The following HIVEP3 variants were observed in gnomAD, a reference collection of about 807,000 sequenced individuals.
The protein encoded by HIVEP3 is transcription factor HIVEP3.
HIVEP3 carries 49 observed loss-of-function variants against 152.8 expected under a neutral mutation model. The ratio of observed to expected loss-of-function variants is 0.32; its 90% CI spans 0.26 to 0.41. The LOEUF is 0.41. HIVEP3 is among the 10% of genes least tolerant of loss of function. The pLI, the probability that HIVEP3 is intolerant of heterozygous loss-of-function variation, is 1.00. For synonymous variants in HIVEP3, 1,269 were observed against 1,289.0 expected (o/e 0.98, Z 0.33); for missense variants, 2,790 against 3,103.3 (o/e 0.90, Z 2.40).
At chr1:41,718,416 G>A (rs1310490490) in intron 1 of HIVEP3, among the ~76,000 whole-genome samples, 1 of 152,242 alleles carries the variant, frequency 6.6e-6, no homozygotes, top group Non-Finnish European at 1.5e-5. Context: ...TGGTTGTCGT[G>A]AGAATTAAGA....
intron 5 of HIVEP3, among the ~76,000 whole-genome samples, chr1:41,573,215 AGTGATTCTG>A (rs1164858422): frequency 6.6e-6 from 1 of 152,236 alleles, no homozygotes. Context: ...GAGTGTGCCC[AGTGATTCTG>A]GGTGTGGGCA....
chr1:41,950,789 C>T (rs1281713313), intron 1 of HIVEP3, among the ~76,000 whole-genome samples: 1 of 152,152 alleles, frequency 6.6e-6, no homozygotes, highest in Non-Finnish European at 1.5e-5. Context: ...TCATACTGCC[C>T]TAAAAACTTA....
chr1:41,698,734 G>A (rs1412498490), intron 2 of HIVEP3, among the ~76,000 whole-genome samples: 1 of 152,100 alleles, frequency 6.6e-6, no homozygotes, highest in African/African-American at 2.4e-5. Context: ...TCCTTCGGGT[G>A]CCAGTGCTCC....
At chr1:41,647,877 C>T (rs1645485289) in intron 2 of HIVEP3, among the ~76,000 whole-genome samples, 1 of 152,256 alleles carries the variant, frequency 6.6e-6, no homozygotes. Flanking sequence ...CTGGCCCCCT[C>T]CTTGGGCCTC....
chr1:41,895,449 T>C (rs1423584470), intron 1 of HIVEP3, among the ~76,000 whole-genome samples: 1 of 152,142 alleles, frequency 6.6e-6, no homozygotes, highest in Non-Finnish European at 1.5e-5. Context: ...TGACCTAACA[T>C]TACCAGAGGC....
intron 1 of HIVEP3, among the ~76,000 whole-genome samples, chr1:42,015,185 T>A (rs1645515026): frequency 6.6e-6 from 1 of 152,254 alleles, no homozygotes; most frequent in Non-Finnish European, 1.5e-5. Flanking sequence ...CTATTTGTTA[T>A]GAGGACAATT....
At chr1:41,784,640 G>A (rs1649242315) in intron 1 of HIVEP3, among the ~76,000 whole-genome samples, 1 of 152,196 alleles carries the variant, frequency 6.6e-6, no homozygotes, top group South Asian at 2.1e-4. Context: ...AGGGGCTGGG[G>A]CAGGCAAGCT....
intron 1 of HIVEP3, among the ~76,000 whole-genome samples, chr1:41,908,508 G>C (rs2124462278): frequency 6.6e-6 from 1 of 152,282 alleles, no homozygotes; most frequent in South Asian, 2.1e-4. Flanking sequence ...TCATTAAATA[G>C]ACCAGTCACT....
At chr1:41,939,074 C>T (rs1368656168) in intron 1 of HIVEP3, among the ~76,000 whole-genome samples, 1 of 152,118 alleles carries the variant, frequency 6.6e-6, no homozygotes, top group East Asian at 1.9e-4. Flanking sequence ...TACTAAAACC[C>T]TTTAGGATTG....
At chr1:41,696,112 C>G (rs1646269986) in intron 2 of HIVEP3, among the ~76,000 whole-genome samples, 1 of 152,216 alleles carries the variant, frequency 6.6e-6, no homozygotes, top group Non-Finnish European at 1.5e-5. Context: ...TATATTTGTA[C>G]CTACTTGACA....
chr1:41,510,881 G>A lies in HIVEP3; in HGVS notation c.6791C>T (p.Thr2264Ile), dbSNP rs761174252. ...CCCGCCCTCCAGCTCTGAGGAGAGT[G>A]TGAATTTGGAGACCTTAGCCACAGG... ...VSPVAKVSKF[T>I]LSSELEGGDY... is the part of the protein sequence containing the mutation. Residue 2264 changes from threonine to isoleucine, a missense_variant, in exon 9 of 9, where the codon ACA becomes ATA. Physicochemically the swap from Thr to Ile is moderately conservative, Grantham distance 89. Around this residue, in one of 9 missense-constraint regions of HIVEP3, gnomAD observed 816 missense variants for 806.5 expected, o/e 1.01. Transcript: ENST00000372583. 1.2e-6 allele frequency: 2 copies of A among 1,613,494 alleles called. No individual in the cohort carries two copies. Among genetic ancestry groups the A allele is most frequent in the East Asian group, 2.2e-5 (1 of 44,882 alleles).
At chr1:41,603,124 C>T (rs768178086) in intron 3 of HIVEP3, among the ~76,000 whole-genome samples, 7 of 151,094 alleles carry the variant, frequency 4.6e-5, no homozygotes, top group Admixed American at 1.3e-4. Flanking sequence ...TGCAGTGTAG[C>T]GGCGCGATCT....
chr1:41,528,276 TCA>T (rs1643079346), intron 5 of HIVEP3, among the ~76,000 whole-genome samples: 1 of 36,914 alleles, frequency 2.7e-5, no homozygotes, highest in Non-Finnish European at 5.2e-5. Flanking sequence ...TCACACACCC[TCA>T]CATACACCCC....
At chr1:41,775,495 T>C (rs1570511215) in intron 1 of HIVEP3, among the ~76,000 whole-genome samples, 1 of 152,028 alleles carries the variant, frequency 6.6e-6, no homozygotes, top group Non-Finnish European at 1.5e-5. Flanking sequence ...GTGTTTTTGT[T>C]TTTTTGTTTT....
intron 1 of HIVEP3, among the ~76,000 whole-genome samples, chr1:41,860,822 C>T (rs961082368): frequency 1.3e-5 from 2 of 152,190 alleles, no homozygotes; most frequent in Non-Finnish European, 2.9e-5. Context: ...AGAAGTCACA[C>T]GTGGAATTAG....
intron 6 of HIVEP3, among the ~76,000 whole-genome samples, chr1:41,519,173 G>A (rs1048042459): frequency 6.6e-6 from 1 of 152,190 alleles, no homozygotes; most frequent in African/African-American, 2.4e-5. Context: ...AGTTTCCCCA[G>A]GCCAATCTAC....
intron 1 of HIVEP3, among the ~76,000 whole-genome samples, chr1:41,753,608 C>A (rs1192172881): frequency 6.6e-6 from 1 of 151,750 alleles, no homozygotes; most frequent in Non-Finnish European, 1.5e-5. Context: ...GCGGAGGTTG[C>A]AGTGAGCCGA....
chr1:41,639,908 C>T (rs561315224), intron 2 of HIVEP3, among the ~76,000 whole-genome samples: 1 of 152,202 alleles, frequency 6.6e-6, no homozygotes, highest in Admixed American at 6.5e-5. Context: ...TCATTGATAG[C>T]GACAAGACCT....
At chr1:41,850,951 C>G (rs887526987) in intron 1 of HIVEP3, among the ~76,000 whole-genome samples, 6 of 152,198 alleles carry the variant, frequency 3.9e-5, no homozygotes, top group Non-Finnish European at 7.3e-5. Context: ...TTTCTCATGT[C>G]AGGCTCCTTC....
Sources: gnomAD v4.1 joint callset for allele counts (sites outside exome capture counted in the v4.1 genomes callset) on GRCh38, gnomAD v4.1.1 for gene constraint, gnomAD v4.1.1 regional missense constraint, MANE v1.5 for transcripts, NCBI Gene and HGNC (gene_info 2026-07-23, HGNC 2026-07-21) for gene names.